CTNNA3: variants seen among roughly 807,000 people sequenced by gnomAD.
CTNNA3 encodes the protein catenin alpha-3.
Under a neutral mutation model 95.7 loss-of-function variants are expected in CTNNA3, and 76 were observed. That is an observed-to-expected ratio of 0.79 (90% CI 0.66 to 0.96). The LOEUF (loss-of-function observed/expected upper bound fraction) is 0.96, where lower values mean the gene tolerates loss of function less well. Among genes scored for constraint, CTNNA3 ranks in the 40% least tolerant of loss-of-function variants. The pLI is 0.00. For synonymous variants in CTNNA3, 431 were observed against 374.4 expected, an observed-to-expected ratio of 1.15 and a Z score of -1.74; for missense variants, 1,191 against 1,089.8, an observed-to-expected ratio of 1.09 and a Z score of -1.31.
chr10:67,404,684 T>G lies in CTNNA3; in HGVS notation c.579+117158A>C, dbSNP rs546536145. ...CCTGACCTACCTACAGAAGCCAACA[T>G]TCAAATTCAGAAAATGCAGAGAACC... On this transcript the variant is annotated intron_variant, in intron 5 of 17. Transcript: ENST00000433211. Among the ~76,000 whole-genome samples the G allele has an allele frequency of 3.3e-3, 501 of 152,156 alleles. 3 individuals are homozygous for G. Among genetic ancestry groups the G allele is most frequent in the African/African-American group, 0.011 (467 of 41,508 alleles).
chr10:67,118,599 G>A (rs1339921604), intron 7 of CTNNA3, among the ~76,000 whole-genome samples: 1 of 151,840 alleles, frequency 6.6e-6, no homozygotes, highest in Non-Finnish European at 1.5e-5. Context: ...ATTGTGCATA[G>A]AAAGAAAACT....
At chr10:65,974,732 AT>A (rs2078178278) in intron 16 of CTNNA3, among the ~76,000 whole-genome samples, 2 of 151,616 alleles carry the variant, frequency 1.3e-5, no homozygotes, top group Admixed American at 1.3e-4. Flanking sequence ...AGTTGAAATT[AT>A]TTTTTAGATG....
intron 12 of CTNNA3, among the ~76,000 whole-genome samples, chr10:66,353,274 T>C (rs1034470944): frequency 6.6e-6 from 1 of 152,228 alleles, no homozygotes; most frequent in African/African-American, 2.4e-5. Flanking sequence ...TTTTCATTGC[T>C]ACAGTATCAG....
chr10:66,059,917 T>C (rs12778893), intron 15 of CTNNA3, among the ~76,000 whole-genome samples: 17,216 of 152,112 alleles, frequency 0.11, 1,169 homozygotes, highest in Non-Finnish European at 0.16. Flanking sequence ...TTTTAGGTAT[T>C]TTCAATTTTA....
At chr10:66,172,969 T>G (rs1328052659) in intron 13 of CTNNA3, among the ~76,000 whole-genome samples, 1 of 152,020 alleles carries the variant, frequency 6.6e-6, no homozygotes, top group Non-Finnish European at 1.5e-5. Context: ...AATGCACAAT[T>G]AAGAAGACAG....
At chr10:67,630,405 C>T (rs930373303) in intron 2 of CTNNA3, among the ~76,000 whole-genome samples, 4 of 152,140 alleles carry the variant, frequency 2.6e-5, no homozygotes, top group Admixed American at 1.3e-4. Flanking sequence ...ACAGTGGAAG[C>T]ACATGTTGAG....
At chr10:66,444,941 G>C (rs28827496) in intron 11 of CTNNA3, among the ~76,000 whole-genome samples, 17,743 of 151,904 alleles carry the variant, frequency 0.12, 1,497 homozygotes, top group African/African-American at 0.24. Context: ...CTCACGTGCA[G>C]AGACACGCAT....
intron 9 of CTNNA3, among the ~76,000 whole-genome samples, chr10:66,693,822 C>T (rs916632011): frequency 6.6e-6 from 1 of 152,148 alleles, no homozygotes; most frequent in Admixed American, 6.5e-5. Flanking sequence ...CAAAACCACT[C>T]AACTACATGG....
intron 9 of CTNNA3, among the ~76,000 whole-genome samples, chr10:66,760,408 T>G (rs1839556975): frequency 1.3e-5 from 2 of 152,224 alleles, no homozygotes; most frequent in South Asian, 4.1e-4. Flanking sequence ...AACACAGGAA[T>G]GAGCACTGTA....
intron 15 of CTNNA3, among the ~76,000 whole-genome samples, chr10:66,001,155 A>G (rs528872333): frequency 6.6e-6 from 1 of 152,080 alleles, no homozygotes; most frequent in Non-Finnish European, 1.5e-5. Flanking sequence ...TACATTGCAT[A>G]GATTTCGGGG....
intron 5 of CTNNA3, among the ~76,000 whole-genome samples, chr10:67,494,431 G>T (rs996263941): frequency 6.6e-6 from 1 of 152,160 alleles, no homozygotes; most frequent in Non-Finnish European, 1.5e-5. Context: ...GGAAAGACTT[G>T]TAAGGTTTCT....
At chr10:67,575,899 G>C (rs191599319) in intron 3 of CTNNA3, among the ~76,000 whole-genome samples, 51 of 152,254 alleles carry the variant, frequency 3.3e-4, no homozygotes, top group African/African-American at 1.2e-3. Context: ...TTGATTAAAA[G>C]AGCTCGGGGT....
intron 13 of CTNNA3, among the ~76,000 whole-genome samples, chr10:66,181,669 C>T (rs980719722): frequency 6.6e-6 from 1 of 152,110 alleles, no homozygotes; most frequent in Non-Finnish European, 1.5e-5. Flanking sequence ...ACTGAACACA[C>T]CCTGAGAAGT....
At chr10:67,172,011 T>C (rs1161924765) in intron 7 of CTNNA3, among the ~76,000 whole-genome samples, 1 of 152,172 alleles carries the variant, frequency 6.6e-6, no homozygotes, top group Non-Finnish European at 1.5e-5. Context: ...TTCCCTCTAC[T>C]TTTCCTCCAA....
intron 9 of CTNNA3, among the ~76,000 whole-genome samples, chr10:66,746,860 A>AGTGTGT (rs57102717): frequency 3.3e-5 from 5 of 150,452 alleles, no homozygotes; most frequent in Non-Finnish European, 5.9e-5. Context: ...AAATGGATGC[A>AGTGTGT]GTGTGTGTGT....
intron 7 of CTNNA3, among the ~76,000 whole-genome samples, chr10:66,808,039 C>T (rs1841725468): frequency 6.6e-6 from 1 of 151,976 alleles, no homozygotes; most frequent in East Asian, 1.9e-4. Flanking sequence ...TGCAACTTCT[C>T]TTTTGAAGTA....
chr10:66,387,509 G>T lies in CTNNA3; in HGVS notation c.1532-8157C>A, dbSNP rs574342844. ...TACACTGTTGGTGGGTGTGTAAATT[G>T]GTTCAACCATTGTGGAAGATATTGT... On this transcript the variant is annotated intron_variant, in intron 11 of 17. Coordinates refer to ENST00000433211, the MANE Select transcript of CTNNA3 (RefSeq NM_013266.4). Among the ~76,000 whole-genome samples, 8 of 152,102 alleles carry T rather than the reference G, an allele frequency of 5.3e-5. 1 individual carries two copies. Among genetic ancestry groups the T allele is most frequent in the Admixed American group, 4.6e-4 (7 of 15,240 alleles).
chr10:66,344,164 T>A (rs1451983518), intron 12 of CTNNA3, among the ~76,000 whole-genome samples: 1 of 146,718 alleles, frequency 6.8e-6, no homozygotes. Flanking sequence ...GAGGCAGAGG[T>A]TGTAGTGAGC....
At chr10:67,636,085 A>G (rs1040898091) in intron 2 of CTNNA3, among the ~76,000 whole-genome samples, 11 of 152,302 alleles carry the variant, frequency 7.2e-5, no homozygotes, top group African/African-American at 2.4e-4. Context: ...AAAAATAATA[A>G]AAGATCTAAG....
Sources: allele counts gnomAD v4.1 joint callset (sites outside exome capture counted in the v4.1 genomes callset), GRCh38; gene constraint gnomAD v4.1.1; transcripts MANE v1.5; gene names NCBI Gene and HGNC (gene_info 2026-07-23, HGNC 2026-07-21).